MTTP: variants seen among roughly 807,000 people sequenced by gnomAD.
MTTP encodes the protein microsomal triglyceride transfer protein large subunit.
In MTTP, 49 loss-of-function variants were observed where a neutral mutation model predicts 90.6. The ratio of observed to expected loss-of-function variants is 0.54; its 90% CI spans 0.43 to 0.69. MTTP has a LOEUF of 0.69. MTTP is among the 30% of genes least tolerant of loss of function. MTTP has a pLI of 0.00. For missense variants in MTTP, 945 were observed against 1,067.5 expected, an observed-to-expected ratio of 0.89 and a Z score of 1.60; for synonymous variants, 347 against 384.2, an observed-to-expected ratio of 0.90 and a Z score of 1.13.
intron 1 of MTTP, among the ~76,000 whole-genome samples, chr4:99,579,762 G>A (rs939540730): frequency 6.6e-6 from 1 of 152,112 alleles, no homozygotes; most frequent in Non-Finnish European, 1.5e-5. Flanking sequence ...TGCTGGTTGG[G>A]TGCGGTGGCT....
At chr4:99,618,547 G>A (rs151333278) in intron 15 of MTTP, among the ~76,000 whole-genome samples, 2 of 152,206 alleles carry the variant, frequency 1.3e-5, no homozygotes, top group South Asian at 2.1e-4. Flanking sequence ...ATCATACAAG[G>A]GCTTGTTAAA....
At chr4:99,615,019 A>C (rs536621383) in intron 15 of MTTP, among the ~76,000 whole-genome samples, 10 of 152,340 alleles carry the variant, frequency 6.6e-5, no homozygotes, top group African/African-American at 2.4e-4. Context: ...AATCGTCTAA[A>C]GGCAGCATAA....
Position 99,622,709 on chromosome 4 carries a change from C to T in MTTP, c.2546C>T (p.Thr849Ile). ...QFEKKYERLS[T>I]GRGYVSQKRK... The stretch of plus-strand genomic sequence containing the variant: ...GAGAAAAAGTACGAAAGGCTGTCCA[C>T]AGGCAGAGGTTATGTCTCTCAGAAA... Residue 849 changes from threonine (T) to isoleucine (I), a missense_variant, in exon 18 of 18, where the codon ACA (threonine) becomes ATA (isoleucine). Physicochemically the swap from Thr to Ile is moderately conservative, Grantham distance 89 (BLOSUM62 -1). Transcript: ENST00000265517. 1.2e-6 allele frequency: 2 copies of T among 1,614,008 alleles called. No homozygotes were observed. Among genetic ancestry groups the T allele is most frequent in the Non-Finnish European group, 1.7e-6 (2 of 1,179,952 alleles).
intron 12 of MTTP, among the ~76,000 whole-genome samples, chr4:99,609,401 A>T (rs1350229279): frequency 6.6e-6 from 1 of 152,192 alleles, no homozygotes; most frequent in Non-Finnish European, 1.5e-5. Flanking sequence ...TTTAAGTTTA[A>T]AATCTTAGGC....
In MTTP at chr4:99,582,032, G is replaced by A; in HGVS notation, c.189G>A (p.Val63=). 1 of 1,614,168 alleles carries A rather than the reference G, an allele frequency of 6.2e-7. No individual in the cohort carries two copies. Among genetic ancestry groups the A allele is most frequent in the Non-Finnish European group, 8.5e-7 (1 of 1,180,012 alleles). ...TGGGCTACCGCATTTCCTCCAACGTGGATGTGGCCTTACTATGGAGGAATC... is the reference window on the plus strand; with the variant it reads ...TGGGCTACCGCATTTCCTCCAACGTAGATGTGGCCTTACTATGGAGGAATC... ...DSVGYRISSN[V]DVALLWRNPD... is the part of the protein sequence containing the mutation. The change falls in exon 2 of 18, where the codon GTG becomes GTA. Residue 63 remains valine, a synonymous_variant. Transcript: ENST00000265517.
chr4:99,566,948 G>T (rs1475924816), intron 1 of MTTP, among the ~76,000 whole-genome samples: 1 of 139,962 alleles, frequency 7.1e-6, no homozygotes, highest in Non-Finnish European at 1.6e-5. Flanking sequence ...AGCAAGTTGG[G>T]AGTTGAGGAG....
chr4:99,567,747 A>G lies in MTTP; in HGVS notation c.-102+3510A>G, dbSNP rs537459829. Among the ~76,000 whole-genome samples the G allele has an allele frequency of 1.1e-4, 17 of 152,352 alleles. No individual in the cohort carries two copies. In the South Asian group the frequency reaches 3.3e-3, roughly 30 times the overall value. ...GCCAACAAAAAAGCAGATGCAGATA[A>G]AAGTGGGAGAGTAGAGAGGAGACAG... On this transcript the variant is annotated intron_variant, in intron 1 of 18. Transcript: ENST00000457717.
chr4:99,567,702 A>C (rs1168995188), intron 1 of MTTP, among the ~76,000 whole-genome samples: 1 of 152,218 alleles, frequency 6.6e-6, no homozygotes, highest in Non-Finnish European at 1.5e-5. Flanking sequence ...TCCAAATTGA[A>C]CAGAACAGAG....
At chr4:99,611,533 G>T in intron 14 of MTTP, 80 bp downstream of exon 14, 1 of 1,543,290 alleles carries the variant, frequency 6.5e-7, no homozygotes, top group Non-Finnish European at 8.9e-7. Context: ...ATATGCTGTG[G>T]GTAATGCTAT....
At chr4:99,595,839 T>C (rs1725539695) in intron 7 of MTTP, among the ~76,000 whole-genome samples, 1 of 152,022 alleles carries the variant, frequency 6.6e-6, no homozygotes, top group African/African-American at 2.4e-5. Context: ...AGGTGGCTAA[T>C]AAAACTAAAC....
intron 4 of MTTP, 138 bp from the exon 5 acceptor site, chr4:99,591,097 C>T (rs1172596067): frequency 1.4e-6 from 1 of 713,536 alleles, no homozygotes; most frequent in Non-Finnish European, 2.5e-6. Context: ...TTGTTCTTGT[C>T]TTTGTATCTT....
intron 3 of MTTP, among the ~76,000 whole-genome samples, chr4:99,587,144 G>C (rs984785325): frequency 2.0e-5 from 3 of 152,132 alleles, no homozygotes; most frequent in African/African-American, 7.2e-5. Context: ...GCAAAATTCT[G>C]ATTTCAGATT....
upstream of MTTP, among the ~76,000 whole-genome samples, chr4:99,571,240 ATTAG>A (rs988630310): frequency 9.2e-5 from 14 of 151,990 alleles, no homozygotes; most frequent in African/African-American, 3.1e-4. Flanking sequence ...CATATTAAGA[ATTAG>A]TTCATAAATG....
intron 6 of MTTP, among the ~76,000 whole-genome samples, chr4:99,593,337 A>G (rs1725475360): frequency 6.6e-6 from 1 of 152,154 alleles, no homozygotes. Context: ...TCTCTGTCAA[A>G]TGTTTTTAAT....
At position 99,623,966 on chromosome 4, in the gene MTTP, C is replaced by T. The variant is rs144013236; in HGVS notation, c.*1118C>T. ...CCCACTATTTGTTGTAAATTGAAAACGAAGTGTGATAAAATAAATATGTAG... is the reference window on the plus strand; with the variant it reads ...CCCACTATTTGTTGTAAATTGAAAATGAAGTGTGATAAAATAAATATGTAG... On this transcript the variant is annotated 3_prime_UTR_variant, in exon 18 of 18. Transcript: ENST00000265517. 10 of 152,182 alleles carry T rather than the reference C, an allele frequency of 6.6e-5. No homozygotes were observed. In the East Asian group the frequency reaches 9.7e-4, roughly 15 times the overall value. 9.4% of individuals were successfully genotyped at this position (152,182 alleles called of 1,614,324 possible). A position where few individuals can be genotyped will look rare whatever the true frequency, so the allele number is the denominator to read the frequency against.
Position 99,622,912 on chromosome 4 carries a change from A to C in MTTP, c.*64A>C. 6.5e-7 allele frequency: 1 copy of C among 1,529,300 alleles called. No homozygotes were observed. Among genetic ancestry groups the C allele is most frequent in the Non-Finnish European group, 9.1e-7 (1 of 1,103,244 alleles). 94.7% of individuals were successfully genotyped at this position (1,529,300 alleles called of 1,614,324 possible). On this transcript the variant is annotated 3_prime_UTR_variant, in exon 18 of 18. Transcript: ENST00000265517. ...AAAGGGACACAATGTGGCATGACTAAGTACTTGCTCTCTGAGAGCACAGCG... is the reference window on the plus strand; with the variant it reads ...AAAGGGACACAATGTGGCATGACTACGTACTTGCTCTCTGAGAGCACAGCG...
chr4:99,607,180 A>G (rs1725839075), intron 11 of MTTP, among the ~76,000 whole-genome samples: 1 of 152,226 alleles, frequency 6.6e-6, no homozygotes, highest in Non-Finnish European at 1.5e-5. Flanking sequence ...ATTGAAGCAT[A>G]TTCTCTTATT....
intron 1 of MTTP, among the ~76,000 whole-genome samples, chr4:99,567,147 A>G (rs947596928): frequency 2.0e-5 from 3 of 152,226 alleles, no homozygotes; most frequent in Non-Finnish European, 4.4e-5. Flanking sequence ...GTATTTGTAC[A>G]TTTACATACT....
At chr4:99,598,048 A>G (rs1725600593) in intron 8 of MTTP, among the ~76,000 whole-genome samples, 1 of 152,208 alleles carries the variant, frequency 6.6e-6, no homozygotes, top group African/African-American at 2.4e-5. Flanking sequence ...CAAAGAACTG[A>G]ATTCCCCAAC....
Sources: allele counts gnomAD v4.1 joint callset (sites outside exome capture counted in the v4.1 genomes callset), GRCh38; gene constraint gnomAD v4.1.1; transcripts MANE v1.5; gene names NCBI Gene and HGNC (gene_info 2026-07-23, HGNC 2026-07-21).